TLK1: variants seen among roughly 807,000 people sequenced by gnomAD.
TLK1 encodes serine/threonine-protein kinase tousled-like 1.
TLK1 carries 24 observed loss-of-function variants against 105.3 expected under a neutral mutation model. That is an observed-to-expected ratio of 0.23 (90% CI 0.17 to 0.32). TLK1 has a LOEUF of 0.32. Among genes scored for constraint, TLK1 ranks in the 10% least tolerant of loss-of-function variants. The pLI is 1.00. For missense variants in TLK1, 558 were observed against 910.5 expected (o/e 0.61, Z 4.98); for synonymous variants, 321 against 310.4 (o/e 1.03, Z -0.36).
At chr2:171,063,821 G>A (rs983214920) in intron 3 of TLK1, among the ~76,000 whole-genome samples, 2 of 152,158 alleles carry the variant, frequency 1.3e-5, no homozygotes, top group African/African-American at 2.4e-5. Context: ...ATGCTAACAT[G>A]CACTGGCTAT....
chr2:171,070,686 C>T (rs543186303), intron 3 of TLK1, among the ~76,000 whole-genome samples: 14 of 152,286 alleles, frequency 9.2e-5, no homozygotes, highest in Non-Finnish European at 1.6e-4. Flanking sequence ...TTGATGGATG[C>T]TTGGGTTGCT....
chr2:171,069,614 A>AAT (rs950227698), intron 3 of TLK1, among the ~76,000 whole-genome samples: 2 of 152,178 alleles, frequency 1.3e-5, no homozygotes, highest in African/African-American at 4.8e-5. Flanking sequence ...AAACGTCAAT[A>AAT]ATGTTAAGGG....
At chr2:171,221,260 C>T (rs1206166902) in intron 1 of TLK1, among the ~76,000 whole-genome samples, 8 of 152,224 alleles carry the variant, frequency 5.3e-5, no homozygotes, top group South Asian at 2.1e-4. Context: ...CGGTGGCCCA[C>T]TTTTCATCTG....
At chr2:171,046,442 A>C (rs1211118925) in intron 10 of TLK1, 80 bp from the exon 11 acceptor site, 1 of 1,417,482 alleles carries the variant, frequency 7.1e-7, no homozygotes, top group African/African-American at 1.4e-5. Context: ...TGCATAAAAA[A>C]CATGAAAAAC....
At chr2:171,111,286 TC>T (rs1690145643) in intron 2 of TLK1, among the ~76,000 whole-genome samples, 2 of 152,034 alleles carry the variant, frequency 1.3e-5, no homozygotes, top group African/African-American at 4.8e-5. Flanking sequence ...GTAAAAGATC[TC>T]CCCGGCTGAG....
chr2:171,193,691 G>A (rs1355013859), intron 1 of TLK1, among the ~76,000 whole-genome samples: 1 of 140,462 alleles, frequency 7.1e-6, no homozygotes, highest in African/African-American at 2.7e-5. Context: ...GTGAGCCACA[G>A]CGCCTGGCAT....
chr2:171,149,399 G>A (rs1275608538), intron 1 of TLK1, among the ~76,000 whole-genome samples: 4 of 152,052 alleles, frequency 2.6e-5, no homozygotes, highest in Non-Finnish European at 5.9e-5. Context: ...GAGAGGTTAA[G>A]TAACTTAGTA....
intron 12 of TLK1, among the ~76,000 whole-genome samples, chr2:171,023,557 A>C (rs546572226): frequency 1.6e-4 from 24 of 152,280 alleles, no homozygotes; most frequent in African/African-American, 5.1e-4. Context: ...AGAAGACAAA[A>C]AAATCTGAAG....
intron 1 of TLK1, among the ~76,000 whole-genome samples, chr2:171,194,240 C>T (rs1347117385): frequency 1.3e-5 from 2 of 152,124 alleles, no homozygotes; most frequent in African/African-American, 2.4e-5. Flanking sequence ...AGGGTTTCTA[C>T]ATATAATTGT....
intron 1 of TLK1, among the ~76,000 whole-genome samples, chr2:171,219,327 C>G (rs1303835005): frequency 6.6e-6 from 1 of 152,200 alleles, no homozygotes; most frequent in Non-Finnish European, 1.5e-5. Flanking sequence ...TAATCTCTGC[C>G]TCTGTGGTCA....
intron 8 of TLK1, among the ~76,000 whole-genome samples, chr2:171,052,987 G>A (rs1349289291): frequency 1.3e-5 from 2 of 152,186 alleles, no homozygotes; most frequent in African/African-American, 4.8e-5. Flanking sequence ...TCAGGCATTA[G>A]TACTTTCACC....
intron 18 of TLK1, among the ~76,000 whole-genome samples, chr2:170,998,347 C>CT (rs948316560): frequency 1.3e-5 from 2 of 152,194 alleles, no homozygotes; most frequent in African/African-American, 4.8e-5. Context: ...TCATGCTAAT[C>CT]TGGCAACAAC....
In TLK1 at chr2:170,991,080, G is replaced by C. The variant is rs1683763463; in HGVS notation, c.*2700C>G. On this transcript the variant is annotated 3_prime_UTR_variant, in exon 21 of 21. Transcript: ENST00000431350. ...CTCCAACTCCCAACTTACAAATTAGGGTGGTTTCTACACTTACTTCCTCTC... is the reference window on the plus strand; with the variant it reads ...CTCCAACTCCCAACTTACAAATTAGCGTGGTTTCTACACTTACTTCCTCTC... 6.6e-6 allele frequency: 1 copy of C among 151,876 alleles called. No individual in the cohort carries two copies. The highest frequency in any genetic ancestry group is 2.1e-4 in the South Asian group (1 of 4,810). 9.4% of individuals were successfully genotyped at this position (151,876 alleles called of 1,614,324 possible). A position where few individuals can be genotyped will look rare whatever the true frequency, so the allele number is the denominator to read the frequency against.
chr2:171,006,801 T>A lies in TLK1; in HGVS notation c.1597A>T (p.Thr533Ser), dbSNP rs1427983396. Residue 533 changes from threonine to serine, a missense_variant and splice_region_variant, in exon 16 of 21, where the codon ACG becomes TCG. Around this residue, in one of 5 missense-constraint regions of TLK1, gnomAD observed 218 missense variants for 492.9 expected, o/e 0.44. Coordinates refer to ENST00000431350, the MANE Select transcript of TLK1 (RefSeq NM_012290.5). ...AATTGAACCTTAATATTCACTTACGTATCTGTATCCAAGGAGAAATAATCA... is the reference window on the plus strand; with the variant it reads ...AATTGAACCTTAATATTCACTTACGAATCTGTATCCAAGGAGAAATAATCA... The part of the protein sequence containing the change: ...LYDYFSLDTD[T>S]FCTVLEYCEG... The A allele has an allele frequency of 6.2e-7, 1 of 1,611,910 alleles. No homozygotes were observed.
At chr2:171,151,470 CTTTT>C (rs55670860) in intron 1 of TLK1, among the ~76,000 whole-genome samples, 6 of 124,242 alleles carry the variant, frequency 4.8e-5, no homozygotes, top group African/African-American at 1.6e-4. Flanking sequence ...ATATGTGTAT[CTTTT>C]TTTTTTTTTT....
chr2:171,161,115 G>A (rs1184776584), upstream of TLK1, among the ~76,000 whole-genome samples: 4 of 147,722 alleles, frequency 2.7e-5, no homozygotes, highest in Non-Finnish European at 6.0e-5. Context: ...CGCACCCGCG[G>A]ATCGCCGCGC....
At chr2:171,094,806 C>T (rs1428388679) in intron 2 of TLK1, among the ~76,000 whole-genome samples, 1 of 152,128 alleles carries the variant, frequency 6.6e-6, no homozygotes, top group East Asian at 1.9e-4. Context: ...CAGGGTTTCA[C>T]CATGTTGGTC....
At chr2:171,141,003 C>A (rs1030808973) in intron 1 of TLK1, among the ~76,000 whole-genome samples, 1 of 152,102 alleles carries the variant, frequency 6.6e-6, no homozygotes, top group African/African-American at 2.4e-5. Context: ...GCATATTAGA[C>A]ACAGCCTAAG....
intron 1 of TLK1, among the ~76,000 whole-genome samples, chr2:171,152,894 G>T (rs926460770): frequency 3.3e-5 from 5 of 152,046 alleles, no homozygotes; most frequent in Admixed American, 1.3e-4. Flanking sequence ...CATTTTCCAT[G>T]AATGGACAAA....
Sources: gnomAD v4.1 joint callset for allele counts (sites outside exome capture counted in the v4.1 genomes callset) on GRCh38, gnomAD v4.1.1 for gene constraint, gnomAD v4.1.1 regional missense constraint, MANE v1.5 for transcripts, NCBI Gene and HGNC (gene_info 2026-07-23, HGNC 2026-07-21) for gene names.